TMEM255B: variants seen among roughly 807,000 people sequenced by gnomAD.
The protein encoded by TMEM255B is family with sequence similarity 70, member B.
Under a neutral mutation model 34.5 loss-of-function variants are expected in TMEM255B, and 35 were observed. That is an observed-to-expected ratio of 1.01 (90% CI 0.77 to 1.34). The LOEUF is 1.34. Ranked by LOEUF, TMEM255B falls within the 40% of genes most tolerant of loss-of-function variation. The probability of loss-of-function intolerance (pLI) is 0.00; values close to 1 mark genes in which losing one functional copy is unlikely to be tolerated. For synonymous variants in TMEM255B, 206 were observed against 201.2 expected, an observed-to-expected ratio of 1.02 and a Z score of -0.20; for missense variants, 432 against 433.2, an observed-to-expected ratio of 1.00 and a Z score of 0.02.
At chr13:113,810,351 AAAG>A (rs2051275388) in intron 8 of TMEM255B, among the ~76,000 whole-genome samples, 2 of 152,218 alleles carry the variant, frequency 1.3e-5, no homozygotes, top group African/African-American at 4.8e-5. Flanking sequence ...AAGGGGAAAA[AAAG>A]AAAAGAATTA....
rs1278400601 is a variant in TMEM255B, at chr13:113,806,884, C to T, written c.813+1856C>T. ...CAGGGACGCTGGGCCTGCAGGTGCT[C>T]CCCAAGCGGCTCTACACAGACACAG... On this transcript the variant is annotated intron_variant, in intron 8 of 8. Coordinates refer to ENST00000375353, the MANE Select transcript of TMEM255B (RefSeq NM_182614.4). The surrounding 1 kb of genome is among the most constrained non-coding windows in gnomAD (Gnocchi z 4.2). Among the ~76,000 whole-genome samples, 1 of 151,596 alleles carries T rather than the reference C, an allele frequency of 6.6e-6. No individual in the cohort carries two copies. Among genetic ancestry groups the T allele is most frequent in the East Asian group, 1.9e-4 (1 of 5,146 alleles).
At chr13:113,793,892 T>C (rs1179468042) in intron 3 of TMEM255B, among the ~76,000 whole-genome samples, 2 of 152,200 alleles carry the variant, frequency 1.3e-5, no homozygotes, top group East Asian at 1.9e-4. Context: ...CGGCCACCAC[T>C]GGTCCATGGC....
chr13:113,792,351 G>A (rs950741672), intron 3 of TMEM255B, among the ~76,000 whole-genome samples: 3 of 152,204 alleles, frequency 2.0e-5, no homozygotes, highest in African/African-American at 4.8e-5. Context: ...TGGCATTGAC[G>A]ACCTTCTGAC....
At chr13:113,762,468 G>A (rs1228052695) in intron 1 of TMEM255B, among the ~76,000 whole-genome samples, 1 of 152,160 alleles carries the variant, frequency 6.6e-6, no homozygotes, top group Non-Finnish European at 1.5e-5. Flanking sequence ...CTGATAAAAG[G>A]GTGGCTCATA....
intron 8 of TMEM255B, among the ~76,000 whole-genome samples, chr13:113,809,603 C>T (rs1276096293): frequency 2.1e-5 from 3 of 139,656 alleles, no homozygotes; most frequent in Non-Finnish European, 4.6e-5. Flanking sequence ...GGGTTTACTC[C>T]GTGGTTCCTG....
At chr13:113,782,058 G>A (rs987706541) in intron 3 of TMEM255B, among the ~76,000 whole-genome samples, 1 of 152,116 alleles carries the variant, frequency 6.6e-6, no homozygotes, top group African/African-American at 2.4e-5. Context: ...TGATCTAAAA[G>A]CATTTAATAA....
In TMEM255B at chr13:113,804,927, C is replaced by T. The variant is rs747754193; in HGVS notation, c.712C>T (p.Gln238Ter). 6.2e-7 allele frequency: 1 copy of T among 1,604,922 alleles called. No individual in the cohort carries two copies. The highest frequency in any genetic ancestry group is 1.1e-5 in the South Asian group (1 of 90,932). ...QLAYGPAVPP[Q>*]TLYNPAQQIL... ...GGCCTATGGCCCAGCCGTCCCACCA[C>T]AGACCCTCTACAACCCCGCCCAGCA... is the stretch of plus-strand genomic sequence containing the variant. Residue 238 changes from glutamine (Q) to a stop codon, truncating the protein, a stop_gained, in exon 8 of 9, where the codon CAG becomes TAG. Coordinates refer to ENST00000375353, the MANE Select transcript of TMEM255B (RefSeq NM_182614.4). LOFTEE classifies it high-confidence loss of function.
intron 7 of TMEM255B, 24 bp downstream of exon 7, chr13:113,801,836 C>CT: frequency 6.4e-7 from 1 of 1,561,750 alleles, no homozygotes; most frequent in Non-Finnish European, 8.7e-7. Flanking sequence ...GTGGGACCCC[C>CT]GCTGCTCACT....
intron 4 of TMEM255B, among the ~76,000 whole-genome samples, chr13:113,797,725 G>C (rs2050967355): frequency 6.6e-6 from 1 of 152,258 alleles, no homozygotes; most frequent in Non-Finnish European, 1.5e-5. Flanking sequence ...ATCTGTTGCA[G>C]TGTTACTAGT....
At chr13:113,774,426 C>T (rs1342711620) in intron 3 of TMEM255B, among the ~76,000 whole-genome samples, 3 of 152,198 alleles carry the variant, frequency 2.0e-5, no homozygotes, top group Non-Finnish European at 4.4e-5. Flanking sequence ...ATAGGTCCCA[C>T]AGGGATGGGA....
Position 113,800,827 on chromosome 13 carries a change from G to T in TMEM255B, c.424G>T (p.Val142Phe). ...GYLYDVYQTE[V>F]TCHSLDGKCQ... Reference sequence around the variant, plus strand: ...ACCTGACAAGGCCTCTCTGCCCCAGGTCACCTGTCACTCCCTGGACGGCAA... The same window carrying T: ...ACCTGACAAGGCCTCTCTGCCCCAGTTCACCTGTCACTCCCTGGACGGCAA... Residue 142 changes from valine (V) to phenylalanine (F), a missense_variant and splice_region_variant, in exon 6 of 9, where the codon GTC becomes TTC. Val to Phe is a conservative substitution (Grantham distance 50, BLOSUM62 -1). Transcript: ENST00000375353. The T allele has an allele frequency of 6.2e-7, 1 of 1,604,936 alleles. No individual in the cohort carries two copies. The highest frequency in any genetic ancestry group is 8.5e-7 in the Non-Finnish European group (1 of 1,176,290).
At chr13:113,771,671 T>G (rs2050480564) in intron 3 of TMEM255B, among the ~76,000 whole-genome samples, 1 of 152,030 alleles carries the variant, frequency 6.6e-6, no homozygotes, top group Non-Finnish European at 1.5e-5. Context: ...TGAGCAAGAC[T>G]CTGTCTCAAA....
At chr13:113,764,438 G>C (rs72672437) in intron 1 of TMEM255B, among the ~76,000 whole-genome samples, 3 of 152,064 alleles carry the variant, frequency 2.0e-5, no homozygotes, top group Non-Finnish European at 4.4e-5. Flanking sequence ...ACCGGGCTGC[G>C]GCCTCTGGTG....
intron 1 of TMEM255B, chr13:113,761,388 C>G (rs2050306369): frequency 1.0e-6 from 1 of 985,026 alleles, no homozygotes; most frequent in Non-Finnish European, 1.2e-6. Flanking sequence ...GGTTCAGCTC[C>G]TCCAGCTAAG....
intron 2 of TMEM255B, among the ~76,000 whole-genome samples, chr13:113,766,729 C>T (rs894292758): frequency 6.6e-6 from 1 of 152,212 alleles, no homozygotes; most frequent in South Asian, 2.1e-4. Context: ...TAACTTTAAA[C>T]GATTCCTACC....
intron 8 of TMEM255B, among the ~76,000 whole-genome samples, chr13:113,807,379 G>T (rs145279161): frequency 1.5e-5 from 2 of 137,846 alleles, no homozygotes; most frequent in Non-Finnish European, 3.0e-5. Context: ...TACGGGATGT[G>T]GGGGTGGTCC....
rs1365578142 is a variant in TMEM255B at position 113,782,672 on chromosome 13, C to T, written c.253-12476C>T. On this transcript the variant is annotated intron_variant, in intron 3 of 8. Coordinates refer to ENST00000375353, the MANE Select transcript of TMEM255B (RefSeq NM_182614.4). ...CGATGAGATTTCCTCCTGTGATGGT[C>T]GGAGGGGGGGGCTTCATTATGAGCC... 2.2e-5 allele frequency among the ~76,000 whole-genome samples: 3 copies of T among 138,082 alleles called. No individual in the cohort carries two copies. In the East Asian group the frequency reaches 6.9e-4, roughly 32 times the overall value. The allele number at this position is 138,082 out of a possible 152,430, so 90.6% of individuals were successfully genotyped here.
chr13:113,807,867 G>T (rs917508433), intron 8 of TMEM255B, among the ~76,000 whole-genome samples: 11 of 147,734 alleles, frequency 7.4e-5, no homozygotes, highest in Non-Finnish European at 1.5e-4. Flanking sequence ...TACGGGACGT[G>T]GGGGGCACAG....
chr13:113,761,194 C>G, intron 1 of TMEM255B: 1 of 985,364 alleles, frequency 1.0e-6, no homozygotes, highest in Non-Finnish European at 1.2e-6. Flanking sequence ...TTGGGCGTTC[C>G]AGGTCCGGCT....
Sources: allele counts gnomAD v4.1 joint callset (sites outside exome capture counted in the v4.1 genomes callset), GRCh38; gene constraint gnomAD v4.1.1; non-coding constraint Gnocchi (gnomAD v3.1); transcripts MANE v1.5; gene names NCBI Gene and HGNC (gene_info 2026-07-23, HGNC 2026-07-21).